Variants in ADAMTSL1 observed in about 807,000 individuals in gnomAD.
The protein encoded by ADAMTSL1 is ADAMTS-like protein 1.
Under a neutral mutation model 201.8 loss-of-function variants are expected in ADAMTSL1, and 126 were observed. The observed-to-expected ratio is 0.62, with a 90% CI of 0.54 to 0.72. The LOEUF (loss-of-function observed/expected upper bound fraction) is 0.72, where lower values mean the gene tolerates loss of function less well. Ranked by LOEUF, ADAMTSL1 falls within the 30% of genes least tolerant of loss-of-function variation. ADAMTSL1 has a pLI of 0.00. For synonymous variants in ADAMTSL1, 1,121 were observed against 903.4 expected, an observed-to-expected ratio of 1.24 and a Z score of -4.32; for missense variants, 2,679 against 2,277.8, an observed-to-expected ratio of 1.18 and a Z score of -3.59.
At chr9:18,224,268 T>C (rs1000471025) in intron 2 of ADAMTSL1, among the ~76,000 whole-genome samples, 2 of 152,158 alleles carry the variant, frequency 1.3e-5, no homozygotes, top group African/African-American at 4.8e-5. Context: ...AGGTTCGGTG[T>C]CTGGTCTCTG....
intron 2 of ADAMTSL1, among the ~76,000 whole-genome samples, chr9:18,405,635 G>GAAAA (rs71333041): frequency 9.3e-6 from 1 of 107,538 alleles, no homozygotes; most frequent in African/African-American, 3.1e-5. Context: ...ACAGAAGAAT[G>GAAAA]AAAAAAAAAA....
rs563166223 is a variant in ADAMTSL1 at position 18,546,972 on chromosome 9, G to A, written c.237+13680G>A. 1.6e-4 allele frequency among the ~76,000 whole-genome samples: 24 copies of A among 152,238 alleles called. No homozygotes were observed. The East Asian group carries it at 3.7e-3, about 23-fold the overall frequency. On this transcript the variant is annotated intron_variant, in intron 3 of 28. Transcript: ENST00000380548. ...TCTCATAAGGTCTTCTAAATTTTAC[G>A]TGGCTATTTCTAGGTAAGAAATTCT...
chr9:18,449,414 G>C (rs1820320921), intron 2 of ADAMTSL1, among the ~76,000 whole-genome samples: 2 of 151,946 alleles, frequency 1.3e-5, no homozygotes, highest in South Asian at 4.2e-4. Flanking sequence ...TAATACTAAA[G>C]GGCTTTACCA....
In ADAMTSL1 at chr9:18,710,661, G is replaced by GTTTTTTTTTTTTTTTTTTTTTTTTTT. The variant is rs1352571180; in HGVS notation, c.1876+3617_1876+3618insTTTTTTTTTTTTTTTTTTTTTTTTTT. Among the ~76,000 whole-genome samples the GTTTTTTTTTTTTTTTTTTTTTTTTTT allele has an allele frequency of 2.5e-5, 2 of 79,644 alleles. 1 individual carries two copies. Among genetic ancestry groups the GTTTTTTTTTTTTTTTTTTTTTTTTTT allele is most frequent in the Non-Finnish European group, 4.9e-5 (2 of 40,734 alleles). 52.2% of individuals were successfully genotyped at this position (79,644 alleles called of 152,430 possible). On this transcript the variant is annotated intron_variant, in intron 14 of 28. Coordinates refer to ENST00000380548, the MANE Select transcript of ADAMTSL1 (RefSeq NM_001040272.6). The stretch of plus-strand genomic sequence containing the variant: ...TCCTTGCAGTCTTAGAAGGGCCTAA[G>GTTTTTTTTTTTTTTTTTTTTTTTTTT]TTTTGTTTTGTTTTTTTTTTTTTTT...
intron 4 of ADAMTSL1, among the ~76,000 whole-genome samples, chr9:18,602,651 C>G (rs1416961260): frequency 6.6e-6 from 1 of 152,226 alleles, no homozygotes; most frequent in African/African-American, 2.4e-5. Flanking sequence ...TCAGCCCCAT[C>G]TGTACCCCAA....
chr9:18,465,615 A>G (rs114251490), intron 2 of ADAMTSL1, among the ~76,000 whole-genome samples: 1 of 152,218 alleles, frequency 6.6e-6, no homozygotes, highest in African/African-American at 2.4e-5. Context: ...ACTGTGTCAC[A>G]TGGTAACACA....
At chr9:18,342,016 T>C (rs576963032) in intron 2 of ADAMTSL1, among the ~76,000 whole-genome samples, 1 of 152,308 alleles carries the variant, frequency 6.6e-6, no homozygotes, top group South Asian at 2.1e-4. Context: ...CTGTACTGAA[T>C]ACTTTTTGTA....
At chr9:18,447,758 C>T (rs538596477) in intron 2 of ADAMTSL1, among the ~76,000 whole-genome samples, 2 of 152,354 alleles carry the variant, frequency 1.3e-5, no homozygotes, top group South Asian at 2.1e-4. Context: ...TCCGGAGAGT[C>T]TCATAAGCCT....
intron 4 of ADAMTSL1, among the ~76,000 whole-genome samples, chr9:18,578,097 G>A (rs556636585): frequency 1.3e-5 from 2 of 150,866 alleles, no homozygotes; most frequent in South Asian, 2.1e-4. Flanking sequence ...GCAAATCATT[G>A]TATGATTTTC....
chr9:18,760,126 A>G (rs1343823531), intron 16 of ADAMTSL1, among the ~76,000 whole-genome samples: 1 of 152,166 alleles, frequency 6.6e-6, no homozygotes, highest in Non-Finnish European at 1.5e-5. Flanking sequence ...TTCATCATTG[A>G]TCATTATCAA....
chr9:18,711,627 A>G (rs180946428), intron 14 of ADAMTSL1, among the ~76,000 whole-genome samples: 86 of 152,338 alleles, frequency 5.6e-4, no homozygotes, highest in Non-Finnish European at 7.8e-4. Context: ...TTGCTAGCAC[A>G]GCAATCTGAG....
chr9:17,955,170 C>T (rs996444367), intron 1 of ADAMTSL1, among the ~76,000 whole-genome samples: 2 of 152,120 alleles, frequency 1.3e-5, no homozygotes, highest in African/African-American at 2.4e-5. Flanking sequence ...CCATGACTTT[C>T]TTTTAATAAT....
At chr9:18,426,218 G>T (rs976091377) in intron 2 of ADAMTSL1, among the ~76,000 whole-genome samples, 8 of 152,032 alleles carry the variant, frequency 5.3e-5, no homozygotes. Context: ...CCTGCCTAGG[G>T]CCCAGTCCAC....
At chr9:18,775,990 G>A (rs1820962640) in intron 18 of ADAMTSL1, 94 bp downstream of exon 18, 2 of 1,442,660 alleles carry the variant, frequency 1.4e-6, no homozygotes, top group African/African-American at 1.4e-5. Flanking sequence ...CTCAAGACCT[G>A]TGGGAAATAG....
At chr9:17,927,310 G>A (rs971281154) in intron 1 of ADAMTSL1, among the ~76,000 whole-genome samples, 1 of 151,998 alleles carries the variant, frequency 6.6e-6, no homozygotes, top group Non-Finnish European at 1.5e-5. Flanking sequence ...ACACATACAT[G>A]TATACATAAA....
At chr9:18,733,767 C>T (rs976309070) in intron 15 of ADAMTSL1, among the ~76,000 whole-genome samples, 2 of 151,730 alleles carry the variant, frequency 1.3e-5, no homozygotes, top group Non-Finnish European at 2.9e-5. Context: ...TGCCTGTTCC[C>T]TCTCTCCCCT....
chr9:18,255,317 G>T (rs773419121), intron 2 of ADAMTSL1, among the ~76,000 whole-genome samples: 13 of 151,864 alleles, frequency 8.6e-5, no homozygotes, highest in Non-Finnish European at 1.5e-4. Context: ...ATGAGCGTTT[G>T]CTAGCATCTT....
intron 2 of ADAMTSL1, among the ~76,000 whole-genome samples, chr9:18,183,833 A>G (rs1222764496): frequency 6.6e-6 from 1 of 152,222 alleles, no homozygotes; most frequent in African/African-American, 2.4e-5. Flanking sequence ...CAGCTTGAAG[A>G]TTCTTGTATG....
rs183368909 is a variant in ADAMTSL1 at position 18,397,994 on chromosome 9, A to G, written c.208-106835A>G. On this transcript the variant is annotated intron_variant, in intron 2 of 29. Coordinates refer to the ADAMTSL1 transcript ENST00000680146. ...GTTTTAAAGACCCCAGGAGCAGTAC[A>G]GTATTGTCTTGCTCAGGGCAGTGTA... 1.2e-3 allele frequency among the ~76,000 whole-genome samples: 189 copies of G among 152,340 alleles called. 1 individual carries two copies. Among genetic ancestry groups the G allele is most frequent in the Non-Finnish European group, 1.6e-3 (106 of 68,034 alleles).
Sources: gnomAD v4.1 joint callset for allele counts (sites outside exome capture counted in the v4.1 genomes callset) on GRCh38, gnomAD v4.1.1 for gene constraint, MANE v1.5 for transcripts, NCBI Gene and HGNC (gene_info 2026-07-23, HGNC 2026-07-21) for gene names.